IL22RA1: variants seen among roughly 807,000 people sequenced by gnomAD.
The protein encoded by IL22RA1 is interleukin-22 receptor subunit alpha-1.
A neutral mutation model predicts 32.8 loss-of-function variants in IL22RA1; 25 were observed. The ratio of observed to expected loss-of-function variants is 0.76; its 90% CI spans 0.55 to 1.06. The LOEUF (loss-of-function observed/expected upper bound fraction) is 1.06, where lower values mean the gene tolerates loss of function less well. Among genes scored for constraint, IL22RA1 ranks in the 50% least tolerant of loss-of-function variants. The pLI, the probability that IL22RA1 is intolerant of heterozygous loss-of-function variation, is 0.00. For synonymous variants in IL22RA1, 305 were observed against 305.0 expected (o/e 1.00, Z 0.00); for missense variants, 709 against 727.4 (o/e 0.97, Z 0.29).
chr1:24,130,546 C>A (rs1419874444), intron 4 of IL22RA1, among the ~76,000 whole-genome samples: 1 of 152,200 alleles, frequency 6.6e-6, no homozygotes, highest in Non-Finnish European at 1.5e-5. Flanking sequence ...CAAACCAACA[C>A]TCTTTGGAGG....
In IL22RA1 at chr1:24,123,309, T is replaced by C; in HGVS notation, c.785A>G (p.Asn262Ser). 1.9e-6 allele frequency: 3 copies of C among 1,613,110 alleles called. No homozygotes were observed. The highest frequency in any genetic ancestry group is 2.5e-6 in the Non-Finnish European group (3 of 1,179,592). Residue 262 changes from asparagine to serine, a missense_variant, in exon 6 of 7, where the codon AAC (asparagine) becomes AGC (serine). Coordinates refer to ENST00000270800, the MANE Select transcript of IL22RA1 (RefSeq NM_021258.4). ...RYVTKPPAPP[N>S]SLNVQRVLTF... Reference sequence around the variant, plus strand: ...CCTGGGGGGATGGCTCACCAGGGAGTTGGGAGGTGCAGGCGGCTTGGTGAC... The same window carrying C: ...CCTGGGGGGATGGCTCACCAGGGAGCTGGGAGGTGCAGGCGGCTTGGTGAC...
At chr1:24,133,712 G>A (rs1297429725) in intron 4 of IL22RA1, among the ~76,000 whole-genome samples, 1 of 152,042 alleles carries the variant, frequency 6.6e-6, no homozygotes, top group Admixed American at 6.6e-5. Context: ...ATGTGAGAAG[G>A]TGTTAAACAA....
chr1:24,137,321 G>A lies in IL22RA1; in HGVS notation c.177-12C>T. Reference sequence around the variant, plus strand: ...CCCTCTCTCCGTACCTGCAGGTCAGGAAGGGGCCAAGTCACCGTGGTGATG... The same window carrying A: ...CCCTCTCTCCGTACCTGCAGGTCAGAAAGGGGCCAAGTCACCGTGGTGATG... On this transcript the variant is annotated splice_polypyrimidine_tract_variant and intron_variant, in intron 2 of 6. Coordinates refer to ENST00000270800, the MANE Select transcript of IL22RA1 (RefSeq NM_021258.4). 1.9e-6 allele frequency: 3 copies of A among 1,611,264 alleles called. No homozygotes were observed. The highest frequency in any genetic ancestry group is 2.5e-6 in the Non-Finnish European group (3 of 1,177,800).
At chr1:24,135,896 T>C (rs1368442461) in intron 3 of IL22RA1, among the ~76,000 whole-genome samples, 1 of 152,190 alleles carries the variant, frequency 6.6e-6, no homozygotes, top group Non-Finnish European at 1.5e-5. Flanking sequence ...GAGATTTGGG[T>C]GGGGACATGG....
intron 5 of IL22RA1, among the ~76,000 whole-genome samples, chr1:24,125,330 C>T (rs1644153552): frequency 6.6e-6 from 1 of 152,172 alleles, no homozygotes; most frequent in Non-Finnish European, 1.5e-5. Context: ...TAACTCAAAA[C>T]TCATCCTCCC....
chr1:24,120,810 A>G lies in IL22RA1; in HGVS notation c.1720T>C (p.Ser574Pro), dbSNP rs1418855595. 2.5e-6 allele frequency: 4 copies of G among 1,597,200 alleles called. No individual in the cohort carries two copies. Among genetic ancestry groups the G allele is most frequent in the Admixed American group, 1.7e-5 (1 of 57,850 alleles). Residue 574 changes from serine to proline, a missense_variant, in exon 7 of 7, where the codon TCC becomes CCC. By Grantham distance (74) the Ser-to-Pro change is moderately conservative. Coordinates refer to ENST00000270800, the MANE Select transcript of IL22RA1 (RefSeq NM_021258.4). ...CCAAGCCTTTCCCATTCCCCTCAGG[A>G]CTCCCACTGCACAGTCAGGGCCAGG... ...RGLALTVQWE[S>P]
At chr1:24,133,483 G>C (rs1419104397) in intron 4 of IL22RA1, among the ~76,000 whole-genome samples, 1 of 152,078 alleles carries the variant, frequency 6.6e-6, no homozygotes, top group Non-Finnish European at 1.5e-5. Flanking sequence ...ACATGCTGAG[G>C]GTAGGGGGTA....
At chr1:24,122,426 C>T (rs1644131483) in intron 6 of IL22RA1, among the ~76,000 whole-genome samples, 1 of 152,102 alleles carries the variant, frequency 6.6e-6, no homozygotes, top group Non-Finnish European at 1.5e-5. Flanking sequence ...TTCTGGTCTT[C>T]ACTTGCTACA....
In IL22RA1 at chr1:24,138,580, A is replaced by C; in HGVS notation, c.176+2T>G. On this transcript the variant is annotated splice_donor_variant, in intron 2 of 6. Coordinates refer to ENST00000270800, the MANE Select transcript of IL22RA1 (RefSeq NM_021258.4). LOFTEE classifies it high-confidence loss of function. ...GGAGGTGGGGTCAAGAGAGAAGCCTACGTCTTATACTCGATGCTGTAGACC... is the reference window on the plus strand; with the variant it reads ...GGAGGTGGGGTCAAGAGAGAAGCCTCCGTCTTATACTCGATGCTGTAGACC... 6.2e-7 allele frequency: 1 copy of C among 1,614,120 alleles called. No homozygotes were observed.
At chr1:24,137,615 C>T (rs1248932688) in intron 2 of IL22RA1, among the ~76,000 whole-genome samples, 3 of 149,308 alleles carry the variant, frequency 2.0e-5, no homozygotes, top group Non-Finnish European at 4.4e-5. Context: ...CTCTGGGGTT[C>T]GAGTGATTCT....
chr1:24,126,217 C>A (rs1644160680), intron 5 of IL22RA1, among the ~76,000 whole-genome samples: 1 of 152,262 alleles, frequency 6.6e-6, no homozygotes, highest in South Asian at 2.1e-4. Context: ...AGCTCCCTAG[C>A]AGCCTTTGCC....
chr1:24,125,609 G>C (rs537980268), intron 5 of IL22RA1, among the ~76,000 whole-genome samples: 1 of 152,094 alleles, frequency 6.6e-6, no homozygotes, highest in Non-Finnish European at 1.5e-5. Flanking sequence ...GTTGCAAAGT[G>C]GTGGGTAGAG....
At chr1:24,129,226 C>T (rs1337167276) in intron 4 of IL22RA1, among the ~76,000 whole-genome samples, 1 of 152,200 alleles carries the variant, frequency 6.6e-6, no homozygotes, top group African/African-American at 2.4e-5. Context: ...GCAAGATTTG[C>T]TCTTCAACCA....
chr1:24,134,373 T>C lies in IL22RA1; in HGVS notation c.369A>G (p.Pro123=). The change falls in exon 4 of 7, where the codon CCA becomes CCG. Residue 123 remains proline, a synonymous_variant. Coordinates refer to ENST00000270800, the MANE Select transcript of IL22RA1 (RefSeq NM_021258.4). ...FSSLQHTTLK[P]PDVTCISKVR... is the part of the protein sequence containing the mutation. Reference sequence around the variant, plus strand: ...CTTTGGAGATACAGGTCACATCAGGTGGCTTGAGGGTAGCTGGGGATAGGG... The same window carrying C: ...CTTTGGAGATACAGGTCACATCAGGCGGCTTGAGGGTAGCTGGGGATAGGG... 1 of 1,524,714 alleles carries C rather than the reference T, an allele frequency of 6.6e-7. No homozygotes were observed. The highest frequency in any genetic ancestry group is 8.8e-7 in the Non-Finnish European group (1 of 1,132,208). The allele number at this position is 1,524,714 out of a possible 1,614,324, so 94.4% of individuals were successfully genotyped here.
intron 1 of IL22RA1, among the ~76,000 whole-genome samples, chr1:24,139,398 C>T (rs186741246): frequency 2.6e-5 from 4 of 152,266 alleles, no homozygotes; most frequent in East Asian, 1.9e-4. Context: ...CTGTGAACAC[C>T]GTGTTCAATT....
intron 6 of IL22RA1, among the ~76,000 whole-genome samples, chr1:24,122,928 C>T (rs1008634583): frequency 3.3e-5 from 5 of 152,252 alleles, no homozygotes; most frequent in African/African-American, 1.2e-4. Flanking sequence ...TGCATTCCCA[C>T]ATGGTGGTGC....
chr1:24,120,760 A>T lies in IL22RA1; in HGVS notation c.*45T>A. Reference sequence around the variant, plus strand: ...TGGGATTGACAGCCAAGGATGTGACACTGGGTAGGGACAGGGAGGAAGCAC... The same window carrying T: ...TGGGATTGACAGCCAAGGATGTGACTCTGGGTAGGGACAGGGAGGAAGCAC... On this transcript the variant is annotated 3_prime_UTR_variant, in exon 7 of 7. Transcript: ENST00000270800. The T allele has an allele frequency of 6.6e-7, 1 of 1,510,922 alleles. No individual in the cohort carries two copies. Among genetic ancestry groups the T allele is most frequent in the Non-Finnish European group, 8.9e-7 (1 of 1,119,192 alleles). 93.6% of individuals were successfully genotyped at this position (1,510,922 alleles called of 1,614,324 possible).
chr1:24,123,338 T>G lies in IL22RA1; in HGVS notation c.756A>C (p.Arg252Ser). 1 of 1,614,112 alleles carries G rather than the reference T, an allele frequency of 6.2e-7. No homozygotes were observed. The highest frequency in any genetic ancestry group is 8.5e-7 in the Non-Finnish European group (1 of 1,180,022). The part of the protein sequence containing the change: ...LVAVLCYLSY[R>S]YVTKPPAPPN... ...GAGGTGCAGGCGGCTTGGTGACATA[T>G]CTGTAGCTCAGGTAGCAGAGTACTG... The change falls in exon 6 of 7, where the codon AGA becomes AGC. Residue 252 changes from arginine (R) to serine (S), a missense_variant. Coordinates refer to ENST00000270800, the MANE Select transcript of IL22RA1 (RefSeq NM_021258.4).
In IL22RA1 at chr1:24,128,258, C is replaced by G. The variant is rs1401111321; in HGVS notation, c.553G>C (p.Glu185Gln). The change falls in exon 5 of 7, where the codon GAA (glutamate) becomes CAA (glutamine). Residue 185 changes from glutamate to glutamine, a missense_variant. Glu to Gln is a conservative substitution (Grantham distance 29). Transcript: ENST00000270800. ...YQMHLGGKQR[E>Q]YEFFGLTPDT... Reference sequence around the variant, plus strand: ...GGGGTCAGGCCGAAGAACTCATATTCTCTCTGCTTCCCTCCAAGGTGCTGA... The same window carrying G: ...GGGGTCAGGCCGAAGAACTCATATTGTCTCTGCTTCCCTCCAAGGTGCTGA... The G allele has an allele frequency of 1.9e-6, 3 of 1,613,222 alleles. No homozygotes were observed. The highest frequency in any genetic ancestry group is 1.7e-5 in the Admixed American group (1 of 59,940).
Sources: gnomAD v4.1 joint callset for allele counts (sites outside exome capture counted in the v4.1 genomes callset) on GRCh38, gnomAD v4.1.1 for gene constraint, MANE v1.5 for transcripts, NCBI Gene and HGNC (gene_info 2026-07-23, HGNC 2026-07-21) for gene names.